The following ZBED6 variants were observed in gnomAD, a reference collection of about 807,000 sequenced individuals.
The protein encoded by ZBED6 is zinc finger BED domain-containing protein 6.
In ZBED6, 40 loss-of-function variants were observed where a neutral mutation model predicts 58.4. The observed-to-expected ratio is 0.68, with a 90% CI of 0.53 to 0.89. ZBED6 has a LOEUF of 0.89. Ranked by LOEUF, ZBED6 falls within the 40% of genes least tolerant of loss-of-function variation. The pLI, the probability that ZBED6 is intolerant of heterozygous loss-of-function variation, is 0.00. For synonymous variants in ZBED6, 439 were observed against 350.6 expected (o/e 1.25, Z -2.82); for missense variants, 1,057 against 1,003.9 (o/e 1.05, Z -0.71).
At chr1:203,835,879 C>A in intron 9 of ZBED6, 1 of 246,690 alleles carries the variant, frequency 4.1e-6, no homozygotes. Context: ...TTATAGCCAG[C>A]AAAAATGCCC....
chr1:203,811,972 T>C (rs1177490985), intron 1 of ZBED6, among the ~76,000 whole-genome samples: 1 of 151,792 alleles, frequency 6.6e-6, no homozygotes, highest in Admixed American at 6.6e-5. Flanking sequence ...TGTGCCACCA[T>C]GCTTGGCTAA....
exon 1 of ZBED6, chr1:203,799,379 G>A (rs892229711): frequency 2.4e-5 from 17 of 703,348 alleles, no homozygotes; most frequent in Non-Finnish European, 3.9e-5. Context: ...TTAGTCATTC[G>A]GTCAAGGCCC....
At chr1:203,831,862 A>G (rs1682494516) in intron 8 of ZBED6, 91 bp downstream of exon 8, 2 of 1,037,102 alleles carry the variant, frequency 1.9e-6, no homozygotes, top group Admixed American at 5.0e-5. Flanking sequence ...CCTTTGATGA[A>G]TTTTCAGGAA....
chr1:203,805,105 AC>A (rs1671845410), intron 1 of ZBED6, among the ~76,000 whole-genome samples: 1 of 151,972 alleles, frequency 6.6e-6, no homozygotes, highest in Admixed American at 6.6e-5. Context: ...TATTAAGGAA[AC>A]CACAGAATCA....
At chr1:203,819,880 C>T (rs981887576) in intron 3 of ZBED6, among the ~76,000 whole-genome samples, 8 of 151,484 alleles carry the variant, frequency 5.3e-5, no homozygotes, top group African/African-American at 1.7e-4. Context: ...ATATTACCAT[C>T]GTTTAATCCT....
At chr1:203,845,531 A>C (rs1687647861) in intron 11 of ZBED6, among the ~76,000 whole-genome samples, 1 of 152,174 alleles carries the variant, frequency 6.6e-6, no homozygotes, top group South Asian at 2.1e-4. Flanking sequence ...TGATCAGAAA[A>C]ACTAAATTGG....
intron 9 of ZBED6, among the ~76,000 whole-genome samples, chr1:203,836,415 A>G (rs1208492063): frequency 6.6e-6 from 1 of 152,162 alleles, no homozygotes; most frequent in Non-Finnish European, 1.5e-5. Context: ...AACCGTTTTT[A>G]AAAACTGGTG....
In ZBED6 at chr1:203,829,672, C is replaced by T; in HGVS notation, c.*3201+18C>T. On this transcript the variant is annotated intron_variant, in intron 5 of 16. Coordinates refer to ENST00000550078, the Ensembl canonical transcript of ZBED6. Reference sequence around the variant, plus strand: ...TGATGATGGTAAGTTCTGTCTGGCTCCTTCTTTAAGGCAAATAAATAGGGT... The same window carrying T: ...TGATGATGGTAAGTTCTGTCTGGCTTCTTCTTTAAGGCAAATAAATAGGGT... 4 of 1,614,160 alleles carry T rather than the reference C, an allele frequency of 2.5e-6. No individual in the cohort carries two copies. The highest frequency in any genetic ancestry group is 3.4e-6 in the Non-Finnish European group (4 of 1,179,998).
intron 11 of ZBED6, among the ~76,000 whole-genome samples, chr1:203,841,155 T>C (rs530952650): frequency 7.2e-6 from 1 of 138,264 alleles, no homozygotes; most frequent in Admixed American, 7.0e-5. Flanking sequence ...TTTTTTTTTT[T>C]TATTTTTTTT....
intron 13 of ZBED6, among the ~76,000 whole-genome samples, chr1:203,848,615 C>T (rs1034453708): frequency 4.6e-5 from 7 of 152,122 alleles, no homozygotes; most frequent in African/African-American, 1.7e-4. Context: ...TTGCCGGGCG[C>T]GGTGGCTCAC....
Position 203,831,762 on chromosome 1 carries a change from A to T in ZBED6, c.*3501A>T, listed in dbSNP as rs773474696. The T allele has an allele frequency of 3.5e-5, 56 of 1,611,328 alleles. No homozygotes were observed. Among genetic ancestry groups the T allele is most frequent in the Middle Eastern group, 1.6e-4 (1 of 6,080 alleles). The stretch of plus-strand genomic sequence containing the variant: ...TGTGGTGAGGACAGTAACTCTCTCC[A>T]CCAAACAAGGTAAGGTATAGATAGG... On this transcript the variant is annotated 3_prime_UTR_variant, in exon 8 of 17. Coordinates refer to ENST00000550078, the Ensembl canonical transcript of ZBED6.
intron 3 of ZBED6, among the ~76,000 whole-genome samples, chr1:203,819,331 C>T (rs1677608070): frequency 6.6e-6 from 1 of 150,520 alleles, no homozygotes; most frequent in Non-Finnish European, 1.5e-5. Flanking sequence ...AAGCGATTCT[C>T]CTGCCTCAGC....
At chr1:203,805,702 A>G in intron 1 of ZBED6, 1 of 663,532 alleles carries the variant, frequency 1.5e-6, no homozygotes, top group Non-Finnish European at 2.9e-6. Context: ...ACCTTCTGGA[A>G]TTGCAGGTGC....
chr1:203,851,469 A>T (rs1463361286), intron 16 of ZBED6, among the ~76,000 whole-genome samples: 1 of 152,136 alleles, frequency 6.6e-6, no homozygotes, highest in Non-Finnish European at 1.5e-5. Flanking sequence ...AGCTGGGATT[A>T]CAGGTGCCTG....
chr1:203,823,110 A>G (rs1558116552), intron 3 of ZBED6, among the ~76,000 whole-genome samples: 1 of 152,100 alleles, frequency 6.6e-6, no homozygotes, highest in East Asian at 1.9e-4. Flanking sequence ...TTTTTAGTGG[A>G]GTGTATATTG....
intron 1 of ZBED6, among the ~76,000 whole-genome samples, chr1:203,812,141 G>A (rs1268470579): frequency 6.6e-6 from 1 of 152,098 alleles, no homozygotes; most frequent in African/African-American, 2.4e-5. Flanking sequence ...AAATTCAGGG[G>A]TACATGTGCA....
At chr1:203,825,369 CT>C (rs1386869406) in intron 3 of ZBED6, among the ~76,000 whole-genome samples, 2 of 150,080 alleles carry the variant, frequency 1.3e-5, no homozygotes, top group East Asian at 1.9e-4. Flanking sequence ...GGATCATGTG[CT>C]GTATTACTGT....
At chr1:203,818,160 G>A (rs945005391) in intron 2 of ZBED6, among the ~76,000 whole-genome samples, 2 of 152,068 alleles carry the variant, frequency 1.3e-5, no homozygotes, top group African/African-American at 4.8e-5. Context: ...CATAAAGTAT[G>A]CAGTGGAGCA....
At chr1:203,838,208 G>A (rs965987860) in intron 10 of ZBED6, 144 bp downstream of exon 10, 1 of 813,652 alleles carries the variant, frequency 1.2e-6, no homozygotes, top group Non-Finnish European at 1.9e-6. Flanking sequence ...ACAAACATTT[G>A]ATCCTTAGTC....
Sources: gnomAD v4.1 joint callset for allele counts (sites outside exome capture counted in the v4.1 genomes callset) on GRCh38, gnomAD v4.1.1 for gene constraint, MANE v1.5 for transcripts, NCBI Gene and HGNC (gene_info 2026-07-23, HGNC 2026-07-21) for gene names.